The following STAG1 variants were observed in gnomAD, a reference collection of about 807,000 sequenced individuals.
The protein encoded by STAG1 is cohesin subunit SA-1.
In STAG1, 26 loss-of-function variants were observed where a neutral mutation model predicts 170.9. The observed-to-expected ratio is 0.15, with a 90% confidence interval of 0.11 to 0.21. The LOEUF (loss-of-function observed/expected upper bound fraction) is 0.21, where lower values mean the gene tolerates loss of function less well. Ranked by LOEUF, STAG1 falls within the 10% of genes least tolerant of loss-of-function variation. The probability of loss-of-function intolerance (pLI) is 1.00; values close to 1 mark genes in which losing one functional copy is unlikely to be tolerated. For missense variants in STAG1, 964 were observed against 1,509.5 expected (o/e 0.64, Z 5.99); for synonymous variants, 514 against 497.7 (o/e 1.03, Z -0.44).
intron 28 of STAG1, among the ~76,000 whole-genome samples, chr3:136,354,351 G>A (rs992338371): frequency 2.0e-5 from 3 of 152,160 alleles, no homozygotes; most frequent in Admixed American, 2.0e-4. Context: ...GGAGTGCAGT[G>A]GCACGATATT....
intron 9 of STAG1, among the ~76,000 whole-genome samples, chr3:136,481,016 C>T (rs1225529473): frequency 2.4e-5 from 3 of 123,890 alleles, no homozygotes; most frequent in Non-Finnish European, 3.4e-5. Context: ...ACAATCATGT[C>T]GTCTGCAAAC....
chr3:136,547,909 G>A (rs1936225519), intron 5 of STAG1, among the ~76,000 whole-genome samples: 1 of 152,062 alleles, frequency 6.6e-6, no homozygotes, highest in Admixed American at 6.6e-5. Context: ...TGTAAGGTAA[G>A]GGTCCAAACC....
Position 136,385,699 on chromosome 3 carries a change from T to G in STAG1, c.2278-7947A>C, listed in dbSNP as rs1560076987. 2.6e-5 allele frequency among the ~76,000 whole-genome samples: 4 copies of G among 152,112 alleles called. No individual in the cohort carries two copies. The South Asian group carries it at 6.2e-4, about 24-fold the overall frequency. On this transcript the variant is annotated intron_variant, in intron 22 of 33. Transcript: ENST00000383202. The stretch of plus-strand genomic sequence containing the variant: ...TTTATCAGTGATCTACTAACCAAGA[T>G]AAGAGGAGAAACCTCTTAAAGAGAC...
chr3:136,436,813 C>G (rs959784609), intron 15 of STAG1, among the ~76,000 whole-genome samples: 2 of 152,084 alleles, frequency 1.3e-5, no homozygotes, highest in African/African-American at 4.8e-5. Flanking sequence ...GTTCTTTATT[C>G]TGTACCAAAA....
chr3:136,547,218 T>C (rs1936191348), intron 5 of STAG1, among the ~76,000 whole-genome samples: 1 of 152,168 alleles, frequency 6.6e-6, no homozygotes, highest in Non-Finnish European at 1.5e-5. Context: ...AGATTCAGTA[T>C]CCCTTATTGT....
chr3:136,728,245 A>C (rs2107937095), intron 1 of STAG1, among the ~76,000 whole-genome samples: 1 of 152,378 alleles, frequency 6.6e-6, no homozygotes, highest in African/African-American at 2.4e-5. Flanking sequence ...ATTAGAATCA[A>C]GTAACAAAGG....
chr3:136,417,950 C>T lies in STAG1; in HGVS notation c.2131G>A (p.Asp711Asn), dbSNP rs1485425527. 1 of 1,613,632 alleles carries T rather than the reference C, an allele frequency of 6.2e-7. No individual in the cohort carries two copies. The highest frequency in any genetic ancestry group is 1.3e-5 in the African/African-American group (1 of 74,912). The change falls in exon 21 of 34, where the codon GAT (aspartate) becomes AAT (asparagine). Residue 711 changes from aspartate (D) to asparagine (N), a missense_variant. Around this residue, in one of 11 missense-constraint regions of STAG1, gnomAD observed 232 missense variants for 313.0 expected, o/e 0.74. Transcript: ENST00000383202. ...FHNAHDLTKW[D>N]LFGNCYRLLK... ...AATCTGTAGCAATTACCAAAGAGAT[C>T]CCATTTTGTGAGATCATGTGCACTG...
chr3:136,374,051 A>G (rs1937486415), intron 23 of STAG1, among the ~76,000 whole-genome samples: 2 of 152,208 alleles, frequency 1.3e-5, no homozygotes, highest in South Asian at 2.1e-4. Context: ...TATATTTAGG[A>G]TACTTAGCTC....
intron 13 of STAG1, among the ~76,000 whole-genome samples, chr3:136,462,668 T>A (rs565769598): frequency 6.6e-6 from 1 of 152,264 alleles, no homozygotes; most frequent in Non-Finnish European, 1.5e-5. Flanking sequence ...AATAGAAGAT[T>A]TGGAAAGTTC....
At chr3:136,738,573 CCCA>C (rs1482779201) in intron 1 of STAG1, among the ~76,000 whole-genome samples, 15 of 152,188 alleles carry the variant, frequency 9.9e-5, no homozygotes, top group South Asian at 2.1e-4. Flanking sequence ...ATCACTTGAA[CCCA>C]GGAGGCAGAA....
chr3:136,409,077 T>C (rs2087558165), intron 21 of STAG1, among the ~76,000 whole-genome samples: 1 of 151,952 alleles, frequency 6.6e-6, no homozygotes, highest in African/African-American at 2.4e-5. Context: ...CCAGCCTGGC[T>C]AACATGGTGA....
chr3:136,699,452 A>G (rs2107905997), intron 1 of STAG1, among the ~76,000 whole-genome samples: 1 of 152,170 alleles, frequency 6.6e-6, no homozygotes, highest in South Asian at 2.1e-4. Flanking sequence ...ATGCAATGGC[A>G]TAATCACAGC....
chr3:136,630,052 G>A (rs150302200), intron 2 of STAG1, among the ~76,000 whole-genome samples: 1,839 of 151,972 alleles, frequency 0.012, 40 homozygotes, highest in African/African-American at 0.042. Context: ...AAAATTAGCC[G>A]GGCATGGTGG....
intron 6 of STAG1, among the ~76,000 whole-genome samples, chr3:136,523,433 T>G (rs1934801176): frequency 6.6e-6 from 1 of 152,226 alleles, no homozygotes; most frequent in Admixed American, 6.5e-5. Context: ...TTCTTGTAAA[T>G]TTGTTTGAAT....
intron 6 of STAG1, among the ~76,000 whole-genome samples, chr3:136,535,335 TAC>T (rs1935567019): frequency 6.6e-6 from 1 of 152,162 alleles, no homozygotes; most frequent in African/African-American, 2.4e-5. Context: ...CTTGGGTGAC[TAC>T]AGTTAACATC....
At chr3:136,373,882 C>G (rs568179828) in intron 23 of STAG1, among the ~76,000 whole-genome samples, 2 of 152,228 alleles carry the variant, frequency 1.3e-5, no homozygotes, top group South Asian at 4.1e-4. Flanking sequence ...GAGTTGAGTT[C>G]AATTCCTGGA....
chr3:136,740,466 C>T (rs187734677), intron 1 of STAG1, among the ~76,000 whole-genome samples: 10 of 152,142 alleles, frequency 6.6e-5, no homozygotes, highest in African/African-American at 1.4e-4. Flanking sequence ...ATAGTAAATG[C>T]TCAATGTTCT....
At chr3:136,677,497 G>A (rs2107882665) in intron 1 of STAG1, among the ~76,000 whole-genome samples, 1 of 152,154 alleles carries the variant, frequency 6.6e-6, no homozygotes, top group South Asian at 2.1e-4. Flanking sequence ...TCTGAATGTT[G>A]GTATCCTGCC....
chr3:136,595,776 C>G (rs762587951), intron 4 of STAG1, among the ~76,000 whole-genome samples: 109 of 150,854 alleles, frequency 7.2e-4, no homozygotes, highest in African/African-American at 2.3e-3. Flanking sequence ...AAAAAAAAAG[C>G]CTTTGGTCTG....
Sources: allele counts gnomAD v4.1 joint callset (sites outside exome capture counted in the v4.1 genomes callset), GRCh38; gene constraint gnomAD v4.1.1; regional missense constraint gnomAD v4.1.1; transcripts MANE v1.5; gene names NCBI Gene and HGNC (gene_info 2026-07-23, HGNC 2026-07-21).